The following SEMA3A variants were observed in gnomAD, a reference collection of about 807,000 sequenced individuals.
SEMA3A encodes the protein semaphorin-3A.
SEMA3A carries 29 observed loss-of-function variants against 97.9 expected under a neutral mutation model. The observed-to-expected ratio is 0.30, with a 90% CI of 0.22 to 0.40. The LOEUF is 0.40. Among genes scored for constraint, SEMA3A ranks in the 10% least tolerant of loss-of-function variants. The pLI is 1.00. For missense variants in SEMA3A, 763 were observed against 951.3 expected (o/e 0.80, Z 2.60); for synonymous variants, 321 against 323.7 (o/e 0.99, Z 0.09).
intron 3 of SEMA3A, among the ~76,000 whole-genome samples, chr7:84,290,278 C>G (rs1463885781): frequency 4.0e-5 from 6 of 150,368 alleles, no homozygotes; most frequent in Admixed American, 3.6e-4. Flanking sequence ...CAACCAAAAA[C>G]CAAACCAAAC....
At chr7:84,475,232 TAG>T (rs559534125) in intron 1 of SEMA3A, among the ~76,000 whole-genome samples, 1 of 151,978 alleles carries the variant, frequency 6.6e-6, no homozygotes, top group Non-Finnish European at 1.5e-5. Flanking sequence ...AATGGATTGT[TAG>T]AGAGAGAGAG....
intron 2 of SEMA3A, among the ~76,000 whole-genome samples, chr7:84,327,225 A>T (rs1488130337): frequency 6.6e-6 from 1 of 151,982 alleles, no homozygotes; most frequent in Non-Finnish European, 1.5e-5. Flanking sequence ...ATTCCAAAAG[A>T]TCTTTTGAAA....
At position 84,404,210 on chromosome 7, in the gene SEMA3A, G is replaced by C. The variant is rs146076816; in HGVS notation, c.-245-32310C>G. Among the ~76,000 whole-genome samples, 2,052 of 152,210 alleles carry C rather than the reference G, an allele frequency of 0.013. 93 individuals carry two copies. In the East Asian group the frequency reaches 0.16, roughly 12 times the overall value. On this transcript the variant is annotated intron_variant, in intron 1 of 3. Transcript: ENST00000424555. ...AGAGAAGTCCTTCAAGGACCTGATG[G>C]AGCTGAAAACCACAGGACGAGAACT...
intron 1 of SEMA3A, among the ~76,000 whole-genome samples, chr7:84,429,522 A>T (rs954923184): frequency 4.6e-5 from 5 of 108,460 alleles, no homozygotes. Context: ...TTTGTTATAT[A>T]TATATATATA....
At chr7:84,486,653 C>T (rs1806581033) in intron 1 of SEMA3A, among the ~76,000 whole-genome samples, 1 of 152,108 alleles carries the variant, frequency 6.6e-6, no homozygotes, top group African/African-American at 2.4e-5. Flanking sequence ...GAAAACAAGG[C>T]AGTGATTGTC....
chr7:84,033,481 C>A (rs79852384), intron 6 of SEMA3A, among the ~76,000 whole-genome samples: 2,910 of 152,168 alleles, frequency 0.019, 80 homozygotes, highest in African/African-American at 0.067. Context: ...ATCTTCCCAG[C>A]TTAAATGGAA....
intron 3 of SEMA3A, among the ~76,000 whole-genome samples, chr7:84,285,260 A>C (rs954621906): frequency 2.6e-5 from 4 of 152,126 alleles, no homozygotes; most frequent in East Asian, 1.9e-4. Context: ...TGCCTAAAAA[A>C]CTGTGGGAAG....
Position 83,991,597 on chromosome 7 carries a change from G to C in SEMA3A, c.1453-6120C>G, listed in dbSNP as rs1789940842. Among the ~76,000 whole-genome samples, 5 of 151,864 alleles carry C rather than the reference G, an allele frequency of 3.3e-5. No homozygotes were observed. The South Asian group carries it at 1.0e-3, about 32-fold the overall frequency. Reference sequence around the variant, plus strand: ...GATAATCATGTGGTTTTTGCCTTTGGCTCTCTTTATATGCTGGATTACATT... The same window carrying C: ...GATAATCATGTGGTTTTTGCCTTTGCCTCTCTTTATATGCTGGATTACATT... On this transcript the variant is annotated intron_variant, in intron 12 of 16. Transcript: ENST00000265362.
At chr7:84,263,376 T>C (rs1799907061) in intron 3 of SEMA3A, among the ~76,000 whole-genome samples, 1 of 152,156 alleles carries the variant, frequency 6.6e-6, no homozygotes, top group South Asian at 2.1e-4. Context: ...AGCAAAAAAA[T>C]CTGTTTTTAA....
intron 1 of SEMA3A, among the ~76,000 whole-genome samples, chr7:84,189,765 C>T (rs1156729002): frequency 6.6e-6 from 1 of 151,464 alleles, no homozygotes; most frequent in African/African-American, 2.4e-5. Flanking sequence ...TCTAATTAAA[C>T]GTATTCCTGA....
At position 83,994,785 on chromosome 7, in the gene SEMA3A, C is replaced by T. The variant is rs527811473; in HGVS notation, c.1452+7170G>A. On this transcript the variant is annotated intron_variant, in intron 12 of 16. Coordinates refer to ENST00000265362, the MANE Select transcript of SEMA3A (RefSeq NM_006080.3). ...TGTCTTTTTGTTTGTCTGTGCCCTG[C>T]CCCCAGAGGTGGAGCCTACAGAGGC... 1.1e-4 allele frequency among the ~76,000 whole-genome samples: 16 copies of T among 151,922 alleles called. No individual in the cohort carries two copies. The South Asian group carries it at 3.3e-3, about 32-fold the overall frequency.
At chr7:84,241,379 G>A (rs951210327) in intron 3 of SEMA3A, among the ~76,000 whole-genome samples, 3 of 152,042 alleles carry the variant, frequency 2.0e-5, no homozygotes, top group African/African-American at 7.2e-5. Context: ...TTTTTCATAT[G>A]TTTATTGACC....
At chr7:83,971,448 C>G (rs1788909815) in intron 15 of SEMA3A, among the ~76,000 whole-genome samples, 1 of 148,728 alleles carries the variant, frequency 6.7e-6, no homozygotes, top group Non-Finnish European at 1.5e-5. Context: ...AAAAAAAAAC[C>G]TAACAAACTA....
intron 7 of SEMA3A, among the ~76,000 whole-genome samples, chr7:84,012,693 C>T (rs1790930941): frequency 1.3e-5 from 2 of 152,134 alleles, no homozygotes. Flanking sequence ...ATAAAGGAAA[C>T]TCATTCCAGA....
At chr7:84,460,457 T>C (rs1026552683) in intron 1 of SEMA3A, among the ~76,000 whole-genome samples, 1 of 152,112 alleles carries the variant, frequency 6.6e-6, no homozygotes, top group Non-Finnish European at 1.5e-5. Flanking sequence ...TTTTAGATGA[T>C]TTTCATGCAA....
intron 1 of SEMA3A, among the ~76,000 whole-genome samples, chr7:84,443,198 T>A (rs1221604407): frequency 6.6e-6 from 1 of 152,120 alleles, no homozygotes; most frequent in African/African-American, 2.4e-5. Flanking sequence ...GCACATGGAA[T>A]AATTTCAGGA....
Position 83,974,282 on chromosome 7 carries a change from A to G in SEMA3A, c.1717+2850T>C, listed in dbSNP as rs552154503. On this transcript the variant is annotated intron_variant, in intron 15 of 16. Transcript: ENST00000265362. ...CCTGGCCTAGTTCACCACTCGAGCC[A>G]CTTTACATATAAGGGAGCAGAGTGC... Among the ~76,000 whole-genome samples, 38 of 152,282 alleles carry G rather than the reference A, an allele frequency of 2.5e-4. No homozygotes were observed. The South Asian group carries it at 7.5e-3, about 30-fold the overall frequency.
At chr7:84,447,382 T>C (rs759603839) in intron 1 of SEMA3A, among the ~76,000 whole-genome samples, 15 of 151,976 alleles carry the variant, frequency 9.9e-5, no homozygotes, top group Non-Finnish European at 1.9e-4. Flanking sequence ...TGGCCTGAAG[T>C]CTTGGGGCCA....
chr7:83,976,960 A>G (rs1022796427), intron 15 of SEMA3A, among the ~76,000 whole-genome samples, 172 bp downstream of exon 15: 3 of 152,144 alleles, frequency 2.0e-5, no homozygotes, highest in Non-Finnish European at 4.4e-5. Context: ...ATAAAACATA[A>G]TTCAGTGCCT....
Sources: allele counts gnomAD v4.1 joint callset (sites outside exome capture counted in the v4.1 genomes callset), GRCh38; gene constraint gnomAD v4.1.1; transcripts MANE v1.5; gene names NCBI Gene and HGNC (gene_info 2026-07-23, HGNC 2026-07-21).